THAP6: variants seen among roughly 807,000 people sequenced by gnomAD.
The protein encoded by THAP6 is THAP domain-containing protein 6.
A neutral mutation model predicts 20.0 loss-of-function variants in THAP6; 13 were observed. The ratio of observed to expected loss-of-function variants is 0.65; its 90% CI spans 0.42 to 1.03. THAP6 has a LOEUF of 1.03. Among genes scored for constraint, THAP6 ranks in the 50% least tolerant of loss-of-function variants. The probability of loss-of-function intolerance (pLI) is 0.00; values close to 1 mark genes in which losing one functional copy is unlikely to be tolerated. For synonymous variants in THAP6, 93 were observed against 92.2 expected (o/e 1.01, Z -0.05); for missense variants, 262 against 261.6 (o/e 1.00, Z -0.01).
intron 4 of THAP6, 39 bp downstream of exon 4, chr4:75,521,900 A>G: frequency 6.2e-7 from 1 of 1,612,164 alleles, no homozygotes; most frequent in Non-Finnish European, 8.5e-7. Context: ...TAATTCTTTT[A>G]AGATGAATAT....
chr4:75,542,630 T>G lies in THAP6; in HGVS notation c.243+144T>G, dbSNP rs559059784. 3.2e-3 allele frequency: 1,843 copies of G among 573,940 alleles called. 7 individuals carry two copies. Among genetic ancestry groups the G allele is most frequent in the Non-Finnish European group, 4.0e-3 (1,309 of 323,334 alleles). 35.6% of individuals were successfully genotyped at this position (573,940 alleles called of 1,614,324 possible). ...AAAAGCTAGGTAATTTGCCCAAGGTTTCACAGCTGGTATAACGATGTCTTC... is the reference window on the plus strand; with the variant it reads ...AAAAGCTAGGTAATTTGCCCAAGGTGTCACAGCTGGTATAACGATGTCTTC... On this transcript the variant is annotated intron_variant, in intron 3 of 4. Coordinates refer to the THAP6 transcript ENST00000502620.
chr4:75,536,825 C>T (rs1025396194), intron 2 of THAP6, among the ~76,000 whole-genome samples: 2 of 152,126 alleles, frequency 1.3e-5, no homozygotes, highest in African/African-American at 2.4e-5. Context: ...AGCCACTGCG[C>T]CTGGCCACAG....
At chr4:75,522,396 G>A (rs1403947651) in intron 4 of THAP6, 1 of 152,188 alleles carries the variant, frequency 6.6e-6, no homozygotes, top group African/African-American at 2.4e-5. Flanking sequence ...TCACATTAGG[G>A]TAAATAGGGT....
intron 2 of THAP6, among the ~76,000 whole-genome samples, chr4:75,535,247 TGA>T (rs1480623813): frequency 6.6e-6 from 1 of 152,210 alleles, no homozygotes; most frequent in Non-Finnish European, 1.5e-5. Flanking sequence ...AACTACAAGA[TGA>T]AATTTAGGTG....
intron 3 of THAP6, among the ~76,000 whole-genome samples, chr4:75,520,900 CTA>C (rs1485433337): frequency 6.6e-6 from 1 of 152,058 alleles, no homozygotes; most frequent in Non-Finnish European, 1.5e-5. Context: ...TCGTGCGTGT[CTA>C]TGTTTTTTCA....
At chr4:75,532,707 C>T (rs922159657), downstream of THAP6, among the ~76,000 whole-genome samples, 5 of 152,244 alleles carry the variant, frequency 3.3e-5, no homozygotes, top group African/African-American at 1.2e-4. Flanking sequence ...CAGTTCTTGA[C>T]TTCTGTGCAC....
chr4:75,536,743 C>T (rs950104311), intron 2 of THAP6, among the ~76,000 whole-genome samples: 6 of 152,074 alleles, frequency 3.9e-5, no homozygotes, highest in African/African-American at 1.2e-4. Context: ...CCTGGGCTCA[C>T]GCAGTCTGCC....
downstream of THAP6, among the ~76,000 whole-genome samples, chr4:75,530,888 G>GGACA (rs1422764391): frequency 2.6e-5 from 4 of 151,988 alleles, no homozygotes; most frequent in Non-Finnish European, 5.9e-5. Flanking sequence ...ATTTTGCAGG[G>GGACA]GACAGAATGG....
chr4:75,537,794 A>G (rs527612575), intron 2 of THAP6, among the ~76,000 whole-genome samples: 27 of 152,306 alleles, frequency 1.8e-4, no homozygotes, highest in Middle Eastern at 6.8e-3. Flanking sequence ...AGATGTGACT[A>G]TGGAAGCAAA....
chr4:75,528,685 C>A lies in THAP6; in HGVS notation c.*1471C>A, dbSNP rs1056222130. 1 of 983,820 alleles carries A rather than the reference C, an allele frequency of 1.0e-6. No homozygotes were observed. 60.9% of individuals were successfully genotyped at this position (983,820 alleles called of 1,614,324 possible). A position where few individuals can be genotyped will look rare whatever the true frequency, so the allele number is the denominator to read the frequency against. On this transcript the variant is annotated 3_prime_UTR_variant, in exon 5 of 5. Coordinates refer to ENST00000311638, the MANE Select transcript of THAP6 (RefSeq NM_144721.6). ...ATTTAACCCACATCTGCGAGATCAG[C>A]GTTATGCTAAGAGGAAATCACTGAG...
At chr4:75,544,179 T>C (rs1727074656) in intron 3 of THAP6, 1 of 152,232 alleles carries the variant, frequency 6.6e-6, no homozygotes, top group Non-Finnish European at 1.5e-5. Context: ...TTATAAAACA[T>C]GGACAGTCTT....
downstream of THAP6, among the ~76,000 whole-genome samples, chr4:75,531,722 C>T (rs894182254): frequency 2.0e-5 from 3 of 151,536 alleles, no homozygotes; most frequent in African/African-American, 7.3e-5. Context: ...CAAGGAGGAG[C>T]AAGTCACATC....
intron 3 of THAP6, among the ~76,000 whole-genome samples, chr4:75,518,902 C>CT (rs79537921): frequency 3.3e-5 from 5 of 152,062 alleles, no homozygotes; most frequent in East Asian, 1.9e-4. Flanking sequence ...TAGAACATCA[C>CT]TTTTTTTTAA....
chr4:75,534,925 G>A (rs1273132122), downstream of THAP6, among the ~76,000 whole-genome samples: 1 of 152,214 alleles, frequency 6.6e-6, no homozygotes, highest in African/African-American at 2.4e-5. Context: ...TGCTGGAGAG[G>A]TTGTGGAGAA....
upstream of THAP6, chr4:75,514,165 C>T (rs200969877): frequency 5.8e-4 from 917 of 1,588,200 alleles, no homozygotes; most frequent in Non-Finnish European, 7.6e-4. Context: ...CTGACGGAAG[C>T]TTGTCAGGGA....
chr4:75,546,605 G>A (rs1014971707), intron 3 of THAP6, among the ~76,000 whole-genome samples: 1 of 152,218 alleles, frequency 6.6e-6, no homozygotes, highest in Admixed American at 6.5e-5. Flanking sequence ...TGAGTATATG[G>A]AGAGGAGAGG....
intron 2 of THAP6, among the ~76,000 whole-genome samples, chr4:75,540,143 C>T (rs928588763): frequency 2.0e-5 from 3 of 152,218 alleles, no homozygotes; most frequent in East Asian, 3.8e-4. Context: ...GTTCATTCAA[C>T]TTTATAAAAC....
intron 2 of THAP6, among the ~76,000 whole-genome samples, chr4:75,537,741 C>T (rs1726903666): frequency 6.6e-6 from 1 of 152,156 alleles, no homozygotes; most frequent in Non-Finnish European, 1.5e-5. Flanking sequence ...GATTCTCCAC[C>T]TGAGTCCTTA....
Position 75,527,669 on chromosome 4 carries a change from C to T in THAP6, c.*455C>T. ...CAATTCATTTGTAATGCATATCCAT[C>T]TTGGATTCAATCCAAGGTGCTTTAG... On this transcript the variant is annotated 3_prime_UTR_variant, in exon 5 of 5. Coordinates refer to ENST00000311638, the MANE Select transcript of THAP6 (RefSeq NM_144721.6). 1.0e-6 allele frequency: 1 copy of T among 994,196 alleles called. No individual in the cohort carries two copies. Among genetic ancestry groups the T allele is most frequent in the Non-Finnish European group, 1.2e-6 (1 of 834,818 alleles). 61.6% of individuals were successfully genotyped at this position (994,196 alleles called of 1,614,324 possible).
Sources: allele counts gnomAD v4.1 joint callset (sites outside exome capture counted in the v4.1 genomes callset), GRCh38; gene constraint gnomAD v4.1.1; transcripts MANE v1.5; gene names NCBI Gene and HGNC (gene_info 2026-07-23, HGNC 2026-07-21).